Variants in DNM3 observed in about 807,000 individuals in gnomAD.
DNM3 encodes dynamin-3.
DNM3 carries 47 observed loss-of-function variants against 101.6 expected under a neutral mutation model. That is an observed-to-expected ratio of 0.46 (90% confidence interval 0.37 to 0.59). DNM3 has a LOEUF of 0.59. Among genes scored for constraint, DNM3 ranks in the 20% least tolerant of loss-of-function variants. The probability of loss-of-function intolerance (pLI) is 0.00; values close to 1 mark genes in which losing one functional copy is unlikely to be tolerated. For missense variants in DNM3, 849 were observed against 1,085.7 expected, an observed-to-expected ratio of 0.78 and a Z score of 3.06; for synonymous variants, 385 against 387.9, an observed-to-expected ratio of 0.99 and a Z score of 0.09.
intron 2 of DNM3, among the ~76,000 whole-genome samples, chr1:171,946,174 T>C (rs1271726159): frequency 6.6e-6 from 1 of 152,184 alleles, no homozygotes; most frequent in African/African-American, 2.4e-5. Context: ...AAGCATTTGT[T>C]GGGGAGGCAA....
chr1:171,846,976 A>G (rs565826447), intron 1 of DNM3, among the ~76,000 whole-genome samples: 4 of 152,280 alleles, frequency 2.6e-5, no homozygotes, highest in African/African-American at 7.2e-5. Context: ...TGGAGAGACA[A>G]GTCATTCACC....
chr1:172,292,025 TA>T (rs2063938501), intron 15 of DNM3, among the ~76,000 whole-genome samples: 1 of 152,340 alleles, frequency 6.6e-6, no homozygotes, highest in Non-Finnish European at 1.5e-5. Context: ...TTTTATATTT[TA>T]AAAAGACTAT....
In DNM3 at chr1:172,369,998, G is replaced by A. The variant is rs1030448597; in HGVS notation, c.1894-9020G>A. On this transcript the variant is annotated intron_variant, in intron 17 of 20. Transcript: ENST00000627582. ...TAAGAACATCAGTTATATTGGATTA[G>A]GGCCCACCCTAATGAAACCATTTTA... 7.9e-5 allele frequency among the ~76,000 whole-genome samples: 12 copies of A among 151,894 alleles called. No homozygotes were observed. The East Asian group carries it at 2.3e-3, about 30-fold the overall frequency.
At chr1:171,959,772 A>G (rs966670673) in intron 2 of DNM3, among the ~76,000 whole-genome samples, 6 of 152,030 alleles carry the variant, frequency 3.9e-5, no homozygotes, top group African/African-American at 1.4e-4. Context: ...GGGAGGGGTG[A>G]TTATCAGTGT....
chr1:172,345,376 A>G (rs1002686858), intron 17 of DNM3, among the ~76,000 whole-genome samples: 3 of 152,234 alleles, frequency 2.0e-5, no homozygotes, highest in African/African-American at 7.2e-5. Flanking sequence ...ATGTTGGAAG[A>G]CAAAACAGTT....
chr1:172,323,376 C>T, intron 17 of DNM3, 36 bp downstream of exon 17: 1 of 1,599,900 alleles, frequency 6.3e-7, no homozygotes, highest in African/African-American at 1.3e-5. Flanking sequence ...CTTCTGTCCC[C>T]CCAGCCCCTG....
At chr1:172,008,775 T>C (rs1558412587) in intron 4 of DNM3, among the ~76,000 whole-genome samples, 1 of 133,244 alleles carries the variant, frequency 7.5e-6, no homozygotes, top group Non-Finnish European at 1.5e-5. Flanking sequence ...ATGTTATAGG[T>C]TTAATATATA....
intron 2 of DNM3, among the ~76,000 whole-genome samples, chr1:171,958,023 G>T (rs983491726): frequency 5.3e-5 from 8 of 152,134 alleles, no homozygotes; most frequent in African/African-American, 1.2e-4. Flanking sequence ...CATACCCAAG[G>T]CTGGGTAATT....
intron 7 of DNM3, 94 bp downstream of exon 7, chr1:172,038,555 A>G (rs2049134428): frequency 6.7e-7 from 1 of 1,498,814 alleles, no homozygotes; most frequent in Non-Finnish European, 9.0e-7. Flanking sequence ...CTTCTTAGGT[A>G]GCAAGTAAAC....
At chr1:172,228,220 C>A (rs1015353609) in intron 14 of DNM3, among the ~76,000 whole-genome samples, 2 of 151,042 alleles carry the variant, frequency 1.3e-5, no homozygotes, top group African/African-American at 4.9e-5. Flanking sequence ...TTTCTTTTAA[C>A]TTCAATCTTC....
At chr1:172,323,260 C>T (rs1409055031) in intron 16 of DNM3, 69 bp from the exon 17 acceptor site, 6 of 1,466,082 alleles carry the variant, frequency 4.1e-6, no homozygotes, top group Non-Finnish European at 5.5e-6. Flanking sequence ...AAGAAAAAAC[C>T]CTCATAATTT....
intron 15 of DNM3, among the ~76,000 whole-genome samples, chr1:172,266,822 G>T (rs891299365): frequency 2.0e-5 from 3 of 152,110 alleles, no homozygotes; most frequent in African/African-American, 7.2e-5. Flanking sequence ...CAGTTTGAGA[G>T]TAGAAACACT....
chr1:172,408,190 C>T lies in DNM3; in HGVS notation c.*349C>T, dbSNP rs531572149. ...ACCAGGTAGCTCATTAAACGTAATT[C>T]TTCAGATATGAGATAGTGGGCTTAG... is the stretch of plus-strand genomic sequence containing the variant. On this transcript the variant is annotated 3_prime_UTR_variant, in exon 21 of 21. Transcript: ENST00000627582. The T allele has an allele frequency of 9.3e-7, 1 of 1,071,206 alleles. No individual in the cohort carries two copies. The highest frequency in any genetic ancestry group is 3.6e-5 in the South Asian group (1 of 27,930). 66.4% of individuals were successfully genotyped at this position (1,071,206 alleles called of 1,614,324 possible). A position where few individuals can be genotyped will look rare whatever the true frequency, so the allele number is the denominator to read the frequency against.
At chr1:172,400,499 GA>G (rs889198962) in intron 20 of DNM3, among the ~76,000 whole-genome samples, 1 of 151,354 alleles carries the variant, frequency 6.6e-6, no homozygotes, top group Non-Finnish European at 1.5e-5. Flanking sequence ...AGGAGCAAAG[GA>G]AAAAAAATCA....
intron 14 of DNM3, among the ~76,000 whole-genome samples, chr1:172,155,009 A>G (rs2058283434): frequency 1.3e-5 from 2 of 152,084 alleles, no homozygotes; most frequent in African/African-American, 4.8e-5. Context: ...GAGAGGAAAA[A>G]GATTGAACTG....
At chr1:172,250,180 A>G (rs1156426994) in intron 14 of DNM3, among the ~76,000 whole-genome samples, 1 of 152,116 alleles carries the variant, frequency 6.6e-6, no homozygotes, top group Non-Finnish European at 1.5e-5. Context: ...GGTGACAGAA[A>G]CAGACAAATG....
At chr1:171,903,660 A>G (rs912737666) in intron 1 of DNM3, among the ~76,000 whole-genome samples, 1 of 152,200 alleles carries the variant, frequency 6.6e-6, no homozygotes, top group African/African-American at 2.4e-5. Flanking sequence ...TCTTTTAATC[A>G]TAGCACATTA....
At chr1:171,856,346 G>T (rs190678715) in intron 1 of DNM3, among the ~76,000 whole-genome samples, 1 of 152,184 alleles carries the variant, frequency 6.6e-6, no homozygotes, top group Admixed American at 6.5e-5. Flanking sequence ...GCATTGCCTT[G>T]GCTACTTGGC....
intron 15 of DNM3, among the ~76,000 whole-genome samples, chr1:172,270,383 A>G (rs76212752): frequency 0.027 from 4,155 of 152,244 alleles, 90 homozygotes; most frequent in East Asian, 0.11. Context: ...AAAAATAACA[A>G]TTTACAAATA....
Sources: allele counts gnomAD v4.1 joint callset (sites outside exome capture counted in the v4.1 genomes callset), GRCh38; gene constraint gnomAD v4.1.1; transcripts MANE v1.5; gene names NCBI Gene and HGNC (gene_info 2026-07-23, HGNC 2026-07-21).